ADARB2: variants seen among roughly 807,000 people sequenced by gnomAD.
ADARB2 encodes inactive double-stranded RNA-specific editase B2.
Under a neutral mutation model 62.2 loss-of-function variants are expected in ADARB2, and 25 were observed. The observed-to-expected ratio is 0.40, with a 90% CI of 0.29 to 0.56. ADARB2 has a LOEUF of 0.56. ADARB2 is among the 20% of genes least tolerant of loss of function. The probability of loss-of-function intolerance (pLI) is 0.43; values close to 1 mark genes in which losing one functional copy is unlikely to be tolerated. For missense variants in ADARB2, 1,071 were observed against 1,077.4 expected (o/e 0.99, Z 0.08); for synonymous variants, 572 against 500.8 (o/e 1.14, Z -1.90).
chr10:1,591,077 G>C (rs1300960253), intron 1 of ADARB2, among the ~76,000 whole-genome samples: 1 of 152,256 alleles, frequency 6.6e-6, no homozygotes, highest in Non-Finnish European at 1.5e-5. Flanking sequence ...AAGAATCTGT[G>C]TCCGAAGCCT....
chr10:1,447,767 T>C (rs1406866842), intron 1 of ADARB2, among the ~76,000 whole-genome samples: 1 of 152,178 alleles, frequency 6.6e-6, no homozygotes, highest in Non-Finnish European at 1.5e-5. Context: ...GTCTATTGTT[T>C]CCTTTTTCAT....
chr10:1,521,750 T>G (rs1832076059), intron 1 of ADARB2, among the ~76,000 whole-genome samples: 1 of 151,276 alleles, frequency 6.6e-6, no homozygotes, highest in Non-Finnish European at 1.5e-5. Flanking sequence ...TAAATCTATC[T>G]ATAAGCTGGA....
intron 1 of ADARB2, among the ~76,000 whole-genome samples, chr10:1,472,841 A>G (rs1831343247): frequency 6.6e-6 from 1 of 152,186 alleles, no homozygotes; most frequent in Admixed American, 6.5e-5. Flanking sequence ...GAGGGCTCCC[A>G]CACACAGCAG....
intron 1 of ADARB2, among the ~76,000 whole-genome samples, chr10:1,611,143 C>G (rs1279685453): frequency 6.6e-6 from 1 of 152,186 alleles, no homozygotes; most frequent in African/African-American, 2.4e-5. Context: ...TCCCCGTGGA[C>G]CCGGCTTTCC....
chr10:1,382,728 G>A (rs2243730), intron 1 of ADARB2, among the ~76,000 whole-genome samples: 139,179 of 150,094 alleles, frequency 0.93, 65,452 homozygotes, highest in Non-Finnish European at 1. Flanking sequence ...TTTTGCCTCA[G>A]TTCTGGACCT....
At chr10:1,311,688 G>C (rs1831692381) in intron 3 of ADARB2, among the ~76,000 whole-genome samples, 2 of 152,184 alleles carry the variant, frequency 1.3e-5, no homozygotes, top group South Asian at 4.1e-4. Context: ...AGCTCTGTCA[G>C]CCCTGGGTTC....
chr10:1,433,510 C>T (rs368900078), intron 1 of ADARB2, among the ~76,000 whole-genome samples: 39 of 152,110 alleles, frequency 2.6e-4, no homozygotes, highest in African/African-American at 6.0e-4. Context: ...GGAATCAGTC[C>T]GGCTTCCCAG....
intron 3 of ADARB2, among the ~76,000 whole-genome samples, chr10:1,293,414 T>G (rs1283381815): frequency 1.8e-5 from 1 of 56,222 alleles, no homozygotes; most frequent in African/African-American, 4.8e-5. Flanking sequence ...ATGTGGTCTG[T>G]TTTAGCCCCG....
At chr10:1,686,179 A>C (rs1282868685) in intron 1 of ADARB2, among the ~76,000 whole-genome samples, 2 of 152,242 alleles carry the variant, frequency 1.3e-5, no homozygotes, top group South Asian at 2.1e-4. Context: ...TGGTTAGGGG[A>C]AGCAGCACTT....
intron 1 of ADARB2, among the ~76,000 whole-genome samples, chr10:1,481,195 T>C (rs2676189): frequency 0.053 from 8,137 of 152,270 alleles, 706 homozygotes; most frequent in African/African-American, 0.18. Context: ...ACAAAGGTGC[T>C]GCAACTAGTC....
chr10:1,590,543 A>G (rs546355551), intron 1 of ADARB2, among the ~76,000 whole-genome samples: 1 of 152,326 alleles, frequency 6.6e-6, no homozygotes, highest in East Asian at 1.9e-4. Context: ...TCATGGAGGC[A>G]GCACCAGTGT....
At chr10:1,350,764 C>T (rs773786082) in intron 3 of ADARB2, among the ~76,000 whole-genome samples, 32 of 152,092 alleles carry the variant, frequency 2.1e-4, no homozygotes, top group Non-Finnish European at 4.3e-4. Flanking sequence ...TTACCCAATC[C>T]GCTCCCGACA....
chr10:1,344,475 G>A (rs1832060069), intron 3 of ADARB2, among the ~76,000 whole-genome samples: 2 of 152,214 alleles, frequency 1.3e-5, no homozygotes, highest in African/African-American at 2.4e-5. Flanking sequence ...ACAGAGGGAA[G>A]GTAAAAGGCA....
At chr10:1,465,461 C>T (rs949810820) in intron 1 of ADARB2, among the ~76,000 whole-genome samples, 2 of 152,168 alleles carry the variant, frequency 1.3e-5, no homozygotes, top group African/African-American at 2.4e-5. Context: ...CCTGCCCCTC[C>T]GAGGCACCAG....
chr10:1,577,310 T>C (rs1450090810), intron 1 of ADARB2, among the ~76,000 whole-genome samples: 6 of 96,130 alleles, frequency 6.2e-5, no homozygotes, highest in Middle Eastern at 5.6e-3. Flanking sequence ...CTCAGGTGCA[T>C]CCTGGTGTAA....
intron 1 of ADARB2, among the ~76,000 whole-genome samples, chr10:1,380,352 TG>T (rs1832472043): frequency 6.6e-6 from 1 of 152,272 alleles, no homozygotes; most frequent in African/African-American, 2.4e-5. Context: ...TTCTTCCCTC[TG>T]TTTTGGAAGC....
At chr10:1,195,621 G>A (rs971623783) in intron 8 of ADARB2, among the ~76,000 whole-genome samples, 1 of 152,088 alleles carries the variant, frequency 6.6e-6, no homozygotes, top group African/African-American at 2.4e-5. Flanking sequence ...GCTGATCCTG[G>A]TTCAGAAGAA....
At chr10:1,638,254 G>T (rs1158471908) in intron 1 of ADARB2, among the ~76,000 whole-genome samples, 2 of 152,164 alleles carry the variant, frequency 1.3e-5, no homozygotes, top group Non-Finnish European at 2.9e-5. Context: ...ATTAACTCGT[G>T]AATTAACAAT....
chr10:1,645,293 A>G (rs2119064075), intron 1 of ADARB2, among the ~76,000 whole-genome samples: 1 of 152,330 alleles, frequency 6.6e-6, no homozygotes, highest in African/African-American at 2.4e-5. Flanking sequence ...CTAAAGCCTT[A>G]GGTGTGGCAG....
Sources: gnomAD v4.1 joint callset for allele counts (sites outside exome capture counted in the v4.1 genomes callset) on GRCh38, gnomAD v4.1.1 for gene constraint, MANE v1.5 for transcripts, NCBI Gene and HGNC (gene_info 2026-07-23, HGNC 2026-07-21) for gene names.